PRR16: variants seen among roughly 807,000 people sequenced by gnomAD.
The protein encoded by PRR16 is protein Largen.
PRR16 carries 6 observed loss-of-function variants against 18.2 expected under a neutral mutation model. That is an observed-to-expected ratio of 0.33 (90% CI 0.18 to 0.65). The LOEUF (loss-of-function observed/expected upper bound fraction) is 0.65. PRR16 is among the 30% of genes least tolerant of loss of function. The pLI is 0.74. For missense variants in PRR16, 412 were observed against 376.6 expected (o/e 1.09, Z -0.78); for synonymous variants, 151 against 147.8 (o/e 1.02, Z -0.16).
the PRR16 span, among the ~76,000 whole-genome samples, chr5:120,766,532 T>TAACCCACAAAGAAAG: frequency 6.6e-6 from 1 of 151,948 alleles, no homozygotes; most frequent in Non-Finnish European, 1.5e-5. Flanking sequence ...CTTTGTGGGT[T>TAACCCACAAAGAAAG]ATGTTTTCAT....
chr5:120,626,760 A>T (rs1444120525), intron 1 of PRR16, among the ~76,000 whole-genome samples: 1 of 152,158 alleles, frequency 6.6e-6, no homozygotes, highest in Non-Finnish European at 1.5e-5. Context: ...GGTTCCCTCC[A>T]TAATTTGTAG....
At chr5:120,546,975 G>T (rs183257254) in intron 1 of PRR16, among the ~76,000 whole-genome samples, 1 of 152,188 alleles carries the variant, frequency 6.6e-6, no homozygotes, top group African/African-American at 2.4e-5. Flanking sequence ...TTAAGAGAAG[G>T]TCATTTAGAA....
At chr5:120,715,028 A>G in the PRR16 span, among the ~76,000 whole-genome samples, 1 of 151,974 alleles carries the variant, frequency 6.6e-6, no homozygotes, top group East Asian at 1.9e-4. Context: ...GGACAGGTCA[A>G]TAGGTGCAGC....
chr5:120,615,388 T>C (rs796840544), intron 1 of PRR16, among the ~76,000 whole-genome samples: 148 of 149,542 alleles, frequency 9.9e-4, no homozygotes, highest in African/African-American at 3.4e-3. Flanking sequence ...TCTTTTCTTT[T>C]TTTTTTTTTT....
intron 1 of PRR16, among the ~76,000 whole-genome samples, chr5:120,545,716 T>A (rs564596034): frequency 6.6e-6 from 1 of 152,252 alleles, no homozygotes; most frequent in East Asian, 1.9e-4. Flanking sequence ...ACACTGCTCT[T>A]AGTGAATCAT....
chr5:120,587,604 C>T (rs146938784), intron 1 of PRR16, among the ~76,000 whole-genome samples: 23 of 152,198 alleles, frequency 1.5e-4, no homozygotes, highest in East Asian at 1.9e-4. Context: ...GTTTACAGCA[C>T]GATAAACTGC....
chr5:120,508,736 T>C (rs2112853769), intron 1 of PRR16, among the ~76,000 whole-genome samples: 1 of 152,208 alleles, frequency 6.6e-6, no homozygotes, highest in African/African-American at 2.4e-5. Flanking sequence ...TTGAGTGTTT[T>C]CCCCATATAC....
At chr5:120,490,810 G>A (rs573373693) in intron 1 of PRR16, among the ~76,000 whole-genome samples, 51 of 152,098 alleles carry the variant, frequency 3.4e-4, no homozygotes, top group Non-Finnish European at 5.7e-4. Context: ...TTAGATGATG[G>A]TAACATACAG....
At chr5:120,605,256 A>T (rs1014378839) in intron 1 of PRR16, among the ~76,000 whole-genome samples, 3 of 151,728 alleles carry the variant, frequency 2.0e-5, no homozygotes, top group African/African-American at 7.3e-5. Flanking sequence ...AAAAATTTTT[A>T]TTTTTTTCTA....
At chr5:120,652,633 G>T (rs527475089) in intron 1 of PRR16, among the ~76,000 whole-genome samples, 1 of 151,928 alleles carries the variant, frequency 6.6e-6, no homozygotes, top group South Asian at 2.1e-4. Flanking sequence ...TCAACAAAAT[G>T]CCTGACTAAT....
At chr5:120,501,934 C>A (rs1197527176) in intron 1 of PRR16, among the ~76,000 whole-genome samples, 1 of 113,932 alleles carries the variant, frequency 8.8e-6, no homozygotes, top group Admixed American at 1.3e-4. Flanking sequence ...CCAGCCTGGG[C>A]GACAGAGCGA....
chr5:120,703,991 C>G, the PRR16 span, among the ~76,000 whole-genome samples: 4 of 152,164 alleles, frequency 2.6e-5, no homozygotes, highest in Non-Finnish European at 5.9e-5. Context: ...GATTTAGATA[C>G]TGATGATACA....
intron 1 of PRR16, among the ~76,000 whole-genome samples, chr5:120,524,793 C>A (rs1164079883): frequency 6.6e-6 from 1 of 151,832 alleles, no homozygotes; most frequent in Non-Finnish European, 1.5e-5. Context: ...ATCTTATATA[C>A]CCTATAAATA....
At chr5:120,611,971 G>A (rs556446569) in intron 1 of PRR16, among the ~76,000 whole-genome samples, 15 of 152,286 alleles carry the variant, frequency 9.8e-5, no homozygotes, top group African/African-American at 2.9e-4. Flanking sequence ...CCATGGGGGC[G>A]GAGCTGCCCA....
chr5:120,538,705 G>A (rs138155459), intron 1 of PRR16, among the ~76,000 whole-genome samples: 1 of 152,264 alleles, frequency 6.6e-6, no homozygotes, highest in Non-Finnish European at 1.5e-5. Flanking sequence ...TGTTGCAGTT[G>A]CAGAAAAAAA....
chr5:120,651,169 G>A (rs917588739), intron 1 of PRR16, among the ~76,000 whole-genome samples: 1 of 152,020 alleles, frequency 6.6e-6, no homozygotes, highest in Admixed American at 6.6e-5. Flanking sequence ...ACTTTTTGAT[G>A]GGGTTGTTTG....
chr5:120,497,544 C>A (rs2112837543), intron 1 of PRR16, among the ~76,000 whole-genome samples: 1 of 151,778 alleles, frequency 6.6e-6, no homozygotes, highest in African/African-American at 2.4e-5. Context: ...TGCACACCAC[C>A]ACACCCAGCT....
At chr5:120,674,188 A>G (rs1756714704) in intron 1 of PRR16, among the ~76,000 whole-genome samples, 2 of 151,982 alleles carry the variant, frequency 1.3e-5, no homozygotes, top group Admixed American at 6.6e-5. Flanking sequence ...TTTATTTTTT[A>G]CCAATATAGA....
intron 1 of PRR16, among the ~76,000 whole-genome samples, chr5:120,539,837 T>A (rs893119252): frequency 1.4e-4 from 22 of 152,220 alleles, no homozygotes; most frequent in Non-Finnish European, 2.4e-4. Flanking sequence ...ATATTAGGTT[T>A]TTTTTTCTTT....
Sources: gnomAD v4.1 joint callset for allele counts (sites outside exome capture counted in the v4.1 genomes callset) on GRCh38, gnomAD v4.1.1 for gene constraint, MANE v1.5 for transcripts, NCBI Gene and HGNC (gene_info 2026-07-23, HGNC 2026-07-21) for gene names.